Variants in KAT6B observed in about 807,000 individuals in gnomAD.
The protein encoded by KAT6B is histone acetyltransferase KAT6B.
Under a neutral mutation model 187.5 loss-of-function variants are expected in KAT6B, and 10 were observed. The observed-to-expected ratio is 0.05, with a 90% CI of 0.03 to 0.09. The LOEUF (loss-of-function observed/expected upper bound fraction) is 0.09, where lower values mean the gene tolerates loss of function less well. Among genes scored for constraint, KAT6B ranks in the 10% least tolerant of loss-of-function variants. The pLI is 1.00. For synonymous variants in KAT6B, 861 were observed against 926.8 expected (o/e 0.93, Z 1.29); for missense variants, 1,952 against 2,558.9 (o/e 0.76, Z 5.12).
chr10:74,832,708 C>G (rs549240617), intron 1 of KAT6B, among the ~76,000 whole-genome samples: 1 of 151,894 alleles, frequency 6.6e-6, no homozygotes, highest in Non-Finnish European at 1.5e-5. Context: ...CCATGTTGGC[C>G]GGGCTGGTCT....
intron 13 of KAT6B, among the ~76,000 whole-genome samples, chr10:74,994,103 A>T (rs1843274720): frequency 6.6e-6 from 1 of 152,186 alleles, no homozygotes; most frequent in African/African-American, 2.4e-5. Flanking sequence ...TATTACTATG[A>T]TAATTACCAA....
intron 13 of KAT6B, among the ~76,000 whole-genome samples, chr10:75,004,603 A>C (rs950430838): frequency 6.6e-6 from 1 of 152,188 alleles, no homozygotes; most frequent in Non-Finnish European, 1.5e-5. Flanking sequence ...CAGTCCTGCA[A>C]TTTCAAATTT....
chr10:74,901,092 A>G (rs1416153796), intron 3 of KAT6B, among the ~76,000 whole-genome samples: 1 of 152,170 alleles, frequency 6.6e-6, no homozygotes, highest in Non-Finnish European at 1.5e-5. Context: ...AAGTTAAAAA[A>G]TGTGATCACC....
chr10:75,001,541 G>A (rs1589786815), intron 13 of KAT6B, among the ~76,000 whole-genome samples: 1 of 152,100 alleles, frequency 6.6e-6, no homozygotes, highest in Admixed American at 6.6e-5. Flanking sequence ...TGGTTTAAAT[G>A]TTGTATTATA....
At chr10:74,884,250 A>AT (rs1203482498) in intron 3 of KAT6B, among the ~76,000 whole-genome samples, 12 of 152,236 alleles carry the variant, frequency 7.9e-5, no homozygotes, top group Admixed American at 7.8e-4. Context: ...AGCCCAGGAC[A>AT]TAAAGGGTTA....
chr10:75,025,295 TCTGA>T (rs1383088721), intron 17 of KAT6B, 46 bp downstream of exon 17: 1 of 1,599,258 alleles, frequency 6.3e-7, no homozygotes, highest in African/African-American at 1.3e-5. Context: ...AATGTCTGTA[TCTGA>T]CTGGGTGCCA....
At chr10:74,928,831 T>G (rs1848668226) in intron 3 of KAT6B, among the ~76,000 whole-genome samples, 2 of 152,204 alleles carry the variant, frequency 1.3e-5, no homozygotes, top group African/African-American at 4.8e-5. Flanking sequence ...AAAGTAACCC[T>G]GAAATAATGC....
upstream of KAT6B, among the ~76,000 whole-genome samples, chr10:74,825,877 A>G (rs1189089056): frequency 4.2e-5 from 6 of 142,272 alleles, no homozygotes; most frequent in South Asian, 2.3e-4. This position sits in a 1 kb window ranked among gnomAD's most constrained non-coding sequence, Gnocchi z 5.0. Context: ...TTGGGGGGGG[A>G]AGGATGCGAG....
intron 13 of KAT6B, among the ~76,000 whole-genome samples, chr10:75,000,574 A>G (rs913193405): frequency 1.3e-5 from 2 of 152,176 alleles, no homozygotes; most frequent in African/African-American, 4.8e-5. Context: ...ACTTACGTCT[A>G]TAGTTTTTAG....
At chr10:74,904,352 T>C (rs965580453) in intron 3 of KAT6B, among the ~76,000 whole-genome samples, 7 of 152,212 alleles carry the variant, frequency 4.6e-5, no homozygotes, top group African/African-American at 1.7e-4. Context: ...CACTGGTTGT[T>C]GGTGGAATTC....
chr10:74,871,103 A>G (rs973268540), intron 3 of KAT6B, among the ~76,000 whole-genome samples: 50 of 140,130 alleles, frequency 3.6e-4, no homozygotes, highest in Admixed American at 3.6e-4. Flanking sequence ...GCTGGTCTCA[A>G]ACTCCTGACC....
intron 17 of KAT6B, chr10:75,025,569 ACT>A (rs992315231): frequency 1.4e-5 from 4 of 295,524 alleles, no homozygotes; most frequent in Non-Finnish European, 2.6e-5. Context: ...TCTAATATGT[ACT>A]TTTTTTTTTC....
rs887323685 is a variant in KAT6B at position 74,979,456 on chromosome 10, A to G, written c.2231+117A>G. On this transcript the variant is annotated intron_variant, in intron 10 of 17. Transcript: ENST00000287239. ...TTTAGGAAATAAATTTTGGTAGTCA[A>G]TGCCAAGTGCTTCCCAAACTATTGC... 6.7e-5 allele frequency: 51 copies of G among 762,802 alleles called. No homozygotes were observed. In the Middle Eastern group the frequency reaches 7.7e-4, roughly 11 times the overall value. 47.3% of individuals were successfully genotyped at this position (762,802 alleles called of 1,614,324 possible). A position where few individuals can be genotyped will look rare whatever the true frequency, so the allele number is the denominator to read the frequency against.
intron 3 of KAT6B, among the ~76,000 whole-genome samples, chr10:74,954,991 T>C (rs1445192603): frequency 6.6e-6 from 1 of 152,194 alleles, no homozygotes; most frequent in Admixed American, 6.5e-5. Context: ...TGTCATCCTT[T>C]GGCATCTGTG....
At chr10:75,009,365 A>G (rs191352293) in intron 13 of KAT6B, among the ~76,000 whole-genome samples, 45 of 152,328 alleles carry the variant, frequency 3.0e-4, no homozygotes, top group Admixed American at 7.2e-4. Context: ...CCTAGTACCT[A>G]GTAGGCACTC....
At chr10:74,888,403 A>G (rs1423549229) in intron 3 of KAT6B, among the ~76,000 whole-genome samples, 1 of 152,232 alleles carries the variant, frequency 6.6e-6, no homozygotes, top group Non-Finnish European at 1.5e-5. Flanking sequence ...GCATATTAAT[A>G]AGAAAACACT....
At chr10:74,945,197 A>G (rs1839861231) in intron 3 of KAT6B, among the ~76,000 whole-genome samples, 1 of 152,244 alleles carries the variant, frequency 6.6e-6, no homozygotes, top group Non-Finnish European at 1.5e-5. Context: ...ATTAAACGGA[A>G]TAATCTACTC....
chr10:75,018,814 C>G (rs1043002805), intron 13 of KAT6B, among the ~76,000 whole-genome samples: 1 of 152,144 alleles, frequency 6.6e-6, no homozygotes, highest in African/African-American at 2.4e-5. Context: ...CTGCAGGGGA[C>G]TTTCAATTGT....
At chr10:74,925,629 G>T (rs1173505648) in intron 3 of KAT6B, among the ~76,000 whole-genome samples, 1 of 152,128 alleles carries the variant, frequency 6.6e-6, no homozygotes, top group Non-Finnish European at 1.5e-5. Flanking sequence ...TTATTAAGGG[G>T]TGAAAATTGT....
Sources: gnomAD v4.1 joint callset for allele counts (sites outside exome capture counted in the v4.1 genomes callset) on GRCh38, gnomAD v4.1.1 for gene constraint, Gnocchi (gnomAD v3.1) non-coding constraint, MANE v1.5 for transcripts, NCBI Gene and HGNC (gene_info 2026-07-23, HGNC 2026-07-21) for gene names.